MCM2: variants seen among roughly 807,000 people sequenced by gnomAD.
The protein encoded by MCM2 is DNA replication licensing factor MCM2.
A neutral mutation model predicts 86.4 loss-of-function variants in MCM2; 49 were observed. The observed-to-expected ratio is 0.57, with a 90% CI of 0.45 to 0.72. The LOEUF is 0.72. Among genes scored for constraint, MCM2 ranks in the 30% least tolerant of loss-of-function variants. The pLI, the probability that MCM2 is intolerant of heterozygous loss-of-function variation, is 0.00. For synonymous variants in MCM2, 475 were observed against 484.6 expected, an observed-to-expected ratio of 0.98 and a Z score of 0.26; for missense variants, 1,038 against 1,259.9, an observed-to-expected ratio of 0.82 and a Z score of 2.67.
At position 127,621,861 on chromosome 3, in the gene MCM2, CT is replaced by C; in HGVS notation, c.*90del. On this transcript the variant is annotated 3_prime_UTR_variant, in exon 16 of 16. Coordinates refer to ENST00000265056, the MANE Select transcript of MCM2 (RefSeq NM_004526.4). ...GCTTTATGGACACAAAACCAGAGCA[CT>C]TGATGAACTCGGGGTACTAGGGTCA... 1.1e-6 allele frequency: 1 copy of C among 914,318 alleles called. No individual in the cohort carries two copies. The allele number at this position is 914,318 out of a possible 1,614,324, so 56.6% of individuals were successfully genotyped here. A position where few individuals can be genotyped will look rare whatever the true frequency, so the allele number is the denominator to read the frequency against.
chr3:127,603,707 G>C (rs902042050), intron 2 of MCM2, among the ~76,000 whole-genome samples: 1 of 151,966 alleles, frequency 6.6e-6, no homozygotes, highest in Non-Finnish European at 1.5e-5. Flanking sequence ...TTGCGACCAG[G>C]CTGGAGTGCA....
At position 127,599,219 on chromosome 3, in the gene MCM2, G is replaced by C. The variant is rs2074284338; in HGVS notation, c.7-99G>C. The stretch of plus-strand genomic sequence containing the variant: ...GGTGTGTTGGAGGACAAGAGTCACA[G>C]GTGGAGAGAAAGAAGGGAAGGCCCC... On this transcript the variant is annotated intron_variant, in intron 1 of 15. Transcript: ENST00000265056. The C allele has an allele frequency of 5.3e-6, 5 of 946,694 alleles. No individual in the cohort carries two copies. In the East Asian group the frequency reaches 1.2e-4, roughly 23 times the overall value. 58.6% of individuals were successfully genotyped at this position (946,694 alleles called of 1,614,324 possible).
chr3:127,608,924 C>G lies in MCM2; in HGVS notation c.1329C>G (p.His443Gln), dbSNP rs780841951. Residue 443 changes from histidine (H) to glutamine (Q), a missense_variant, in exon 8 of 16, where the codon CAC becomes CAG. By Grantham distance (24) the His-to-Gln change is conservative (BLOSUM62 0). Coordinates refer to ENST00000265056, the MANE Select transcript of MCM2 (RefSeq NM_004526.4). ...TTGCCACTGTCATCCTAGCCAACCA[C>G]GTGGCCAAGAAGGACAACAAGGTTG... Reference protein sequence around the residue: ...PVFATVILANHVAKKDNKVAV... With the variant: ...PVFATVILANQVAKKDNKVAV... 1.2e-6 allele frequency: 2 copies of G among 1,614,110 alleles called. No homozygotes were observed. The highest frequency in any genetic ancestry group is 1.7e-6 in the Non-Finnish European group (2 of 1,180,030).
At chr3:127,605,206 TC>T in intron 4 of MCM2, 50 bp downstream of exon 4, 1 of 1,586,884 alleles carries the variant, frequency 6.3e-7, no homozygotes, top group Non-Finnish European at 8.6e-7. Flanking sequence ...CCTCCCTAAA[TC>T]CTCCCCAGAA....
At chr3:127,599,806 G>C (rs1172108744) in intron 2 of MCM2, among the ~76,000 whole-genome samples, 1 of 152,176 alleles carries the variant, frequency 6.6e-6, no homozygotes, top group Non-Finnish European at 1.5e-5. Context: ...AGAGAATGTA[G>C]GGGTCTCTAA....
intron 13 of MCM2, 110 bp from the exon 14 acceptor site, chr3:127,620,588 G>A: frequency 9.1e-7 from 1 of 1,103,638 alleles, no homozygotes. Context: ...TTTCTGCTGG[G>A]GCACTGTCAG....
chr3:127,607,223 C>T (rs1316432984), intron 6 of MCM2, among the ~76,000 whole-genome samples: 2 of 152,242 alleles, frequency 1.3e-5, no homozygotes, highest in Non-Finnish European at 2.9e-5. Flanking sequence ...TTTCTGGGAC[C>T]TGTCTGGCTC....
Position 127,617,055 on chromosome 3 carries a change from C to T in MCM2, c.1710C>T (p.Thr570=). ...VQRHPVSREW[T]LEAGALVLAD... The stretch of plus-strand genomic sequence containing the variant: ...GGCACCCTGTCAGCAGGGAGTGGAC[C>T]TTGGAGGCTGGGGCCCTGGTTCTGG... The change falls in exon 10 of 16, where the codon ACC becomes ACT. Residue 570 remains threonine, a synonymous_variant. Transcript: ENST00000265056. The surrounding 1 kb of genome is among the most constrained non-coding windows in gnomAD (Gnocchi z 4.1). The T allele has an allele frequency of 6.2e-7, 1 of 1,614,210 alleles. No individual in the cohort carries two copies. Among genetic ancestry groups the T allele is most frequent in the South Asian group, 1.1e-5 (1 of 91,082 alleles).
Position 127,604,889 on chromosome 3 carries a change from T to TC in MCM2, c.413-3dup. 6.2e-7 allele frequency: 1 copy of TC among 1,605,196 alleles called. No individual in the cohort carries two copies. The highest frequency in any genetic ancestry group is 8.5e-7 in the Non-Finnish European group (1 of 1,175,856). Reference sequence around the variant, plus strand: ...ACCGCAGTAGCAGGTGTCTCTTGCCTCCCCAGACAGCGATGAGGAGGACGA... The same window carrying TC: ...ACCGCAGTAGCAGGTGTCTCTTGCCTCCCCCAGACAGCGATGAGGAGGACGA... On this transcript the variant is annotated splice_polypyrimidine_tract_variant and splice_region_variant and intron_variant, in intron 3 of 15. Coordinates refer to ENST00000265056, the MANE Select transcript of MCM2 (RefSeq NM_004526.4).
At position 127,616,909 on chromosome 3, in the gene MCM2, T is replaced by G; in HGVS notation, c.1564T>G (p.Cys522Gly). 2 of 1,614,170 alleles carry G rather than the reference T, an allele frequency of 1.2e-6. No homozygotes were observed. The highest frequency in any genetic ancestry group is 1.1e-5 in the South Asian group (1 of 91,086). Residue 522 changes from cysteine (C) to glycine (G), a missense_variant, in exon 10 of 16, where the codon TGC becomes GGC. Cys to Gly is a radical substitution (Grantham distance 159). Coordinates refer to ENST00000265056, the MANE Select transcript of MCM2 (RefSeq NM_004526.4). Reference sequence around the variant, plus strand: ...ACGTGGTGATATCAACGTGCTCTTGTGCGGAGACCCTGGCACAGCGAAGTC... The same window carrying G: ...ACGTGGTGATATCAACGTGCTCTTGGGCGGAGACCCTGGCACAGCGAAGTC... ...KVRGDINVLL[C>G]GDPGTAKSQF...
Position 127,605,953 on chromosome 3 carries a change from G to A in MCM2, c.674-165G>A, listed in dbSNP as rs771547255. On this transcript the variant is annotated intron_variant, in intron 4 of 15. Transcript: ENST00000265056. ...TACGGAGTAGGAAGTTGAAGCTCAG[G>A]CTATGTCACAGCTGAAGTGTGGTAG... is the stretch of plus-strand genomic sequence containing the variant. Among the ~76,000 whole-genome samples the A allele has an allele frequency of 1.3e-5, 2 of 152,196 alleles. 1 individual carries two copies. Among genetic ancestry groups the A allele is most frequent in the Non-Finnish European group, 2.9e-5 (2 of 68,034 alleles).
chr3:127,599,252 A>T, intron 1 of MCM2, 66 bp from the exon 2 acceptor site: 2 of 1,380,462 alleles, frequency 1.4e-6, no homozygotes, highest in Non-Finnish European at 2.0e-6. Context: ...CCCTGATGGT[A>T]AAAAGGAAGC....
intron 8 of MCM2, chr3:127,610,819 G>T (rs879237305): frequency 6.6e-6 from 3 of 456,676 alleles, no homozygotes; most frequent in South Asian, 4.6e-5. Context: ...GCTGGTATTG[G>T]TGCCATTCCT....
At position 127,615,850 on chromosome 3, in the gene MCM2, TC is replaced by T; in HGVS notation, c.1429-9del. ...CTGTTCCCATTCTTGTCGGTCTCCC[TC>T]CCTTTCTCAGATCTTTGCCAGCATT... is the stretch of plus-strand genomic sequence containing the variant. On this transcript the variant is annotated splice_polypyrimidine_tract_variant and intron_variant, in intron 8 of 15. Coordinates refer to ENST00000265056, the MANE Select transcript of MCM2 (RefSeq NM_004526.4). 1.9e-6 allele frequency: 3 copies of T among 1,600,706 alleles called. No homozygotes were observed. The highest frequency in any genetic ancestry group is 2.6e-6 in the Non-Finnish European group (3 of 1,167,892).
intron 2 of MCM2, among the ~76,000 whole-genome samples, chr3:127,602,242 T>C (rs1307173614): frequency 2.0e-5 from 3 of 149,252 alleles, no homozygotes; most frequent in Non-Finnish European, 4.4e-5. Context: ...CCAGGGAGAA[T>C]GGGACCGATA....
chr3:127,599,036 C>A, intron 1 of MCM2: 1 of 532,052 alleles, frequency 1.9e-6, no homozygotes, highest in Non-Finnish European at 3.3e-6. Context: ...ATGACATAAC[C>A]TCAGTGGTTT....
intron 15 of MCM2, 64 bp from the exon 16 acceptor site, chr3:127,621,599 G>A: frequency 9.5e-7 from 1 of 1,051,860 alleles, no homozygotes; most frequent in East Asian, 2.4e-5. Context: ...ACTGTAACTG[G>A]GGCGCTCTGG....
In MCM2 at chr3:127,617,190, T is replaced by A; in HGVS notation, c.1773+72T>A. The A allele has an allele frequency of 6.2e-7, 1 of 1,602,494 alleles. No homozygotes were observed. ...TGGGCTTGGGCCTTAGCGACGGGAA[T>A]GGTGTTAATGGGGTCCATTGGGACC... On this transcript the variant is annotated intron_variant, in intron 10 of 15. Coordinates refer to ENST00000265056, the MANE Select transcript of MCM2 (RefSeq NM_004526.4). The surrounding 1 kb of genome is among the most constrained non-coding windows in gnomAD (Gnocchi z 4.1).
At chr3:127,605,206 T>C (rs553892417) in intron 4 of MCM2, 50 bp downstream of exon 4, 2 of 1,586,884 alleles carry the variant, frequency 1.3e-6, no homozygotes, top group South Asian at 2.3e-5. Flanking sequence ...CCTCCCTAAA[T>C]CCTCCCCAGA....
Sources: gnomAD v4.1 joint callset for allele counts (sites outside exome capture counted in the v4.1 genomes callset) on GRCh38, gnomAD v4.1.1 for gene constraint, Gnocchi (gnomAD v3.1) non-coding constraint, MANE v1.5 for transcripts, NCBI Gene and HGNC (gene_info 2026-07-23, HGNC 2026-07-21) for gene names.